Variants in WDR83OS observed in about 807,000 individuals in gnomAD.
The protein encoded by WDR83OS is WD repeat domain 83 opposite strand.
Under a neutral mutation model 13.7 loss-of-function variants are expected in WDR83OS, and 15 were observed. The ratio of observed to expected loss-of-function variants is 1.09; its 90% CI spans 0.73 to 1.69. WDR83OS has a LOEUF of 1.69. Among genes scored for constraint, WDR83OS ranks in the 40% most tolerant of loss-of-function variants. The pLI is 0.00. For missense variants in WDR83OS, 145 were observed against 143.2 expected, an observed-to-expected ratio of 1.01 and a Z score of -0.06; for synonymous variants, 68 against 52.9, an observed-to-expected ratio of 1.29 and a Z score of -1.24.
At chr19:12,668,809 G>T (rs916899427) in intron 2 of WDR83OS, among the ~76,000 whole-genome samples, 192 bp from the exon 3 acceptor site, 4 of 152,050 alleles carry the variant, frequency 2.6e-5, no homozygotes, top group Admixed American at 2.6e-4. Flanking sequence ...CTACTGTCTG[G>T]CCTGCGTCTC....
intron 2 of WDR83OS, 152 bp downstream of exon 2, chr19:12,668,976 C>T: frequency 1.3e-6 from 1 of 785,690 alleles, no homozygotes; most frequent in Non-Finnish European, 2.1e-6. Flanking sequence ...AAGACTGGGG[C>T]TTTCTCGGCC....
Position 12,668,979 on chromosome 19 carries a change from T to C in WDR83OS, c.156+149A>G, listed in dbSNP as rs535503979. The C allele has an allele frequency of 2.6e-5, 21 of 801,576 alleles. No homozygotes were observed. The South Asian group carries it at 3.3e-4, about 12-fold the overall frequency. The allele number at this position is 801,576 out of a possible 1,614,324, so 49.7% of individuals were successfully genotyped here. ...TTGACTTCACCAAAGACTGGGGCTT[T>C]CTCGGCCCAGCGTCATCGCAGCCCC... On this transcript the variant is annotated intron_variant, in intron 2 of 3. Coordinates refer to ENST00000596731, the MANE Select transcript of WDR83OS (RefSeq NM_016145.4).
intron 2 of WDR83OS, 47 bp from the exon 3 acceptor site, chr19:12,668,664 T>C (rs372285106): frequency 7.2e-6 from 11 of 1,525,464 alleles, no homozygotes; most frequent in Middle Eastern, 1.9e-4. Flanking sequence ...GGCACAACAA[T>C]GAGTCCCCGA....
In WDR83OS at chr19:12,668,622, G is replaced by A. The variant is rs776442799; in HGVS notation, c.157-5C>T. The A allele has an allele frequency of 6.2e-7, 1 of 1,613,578 alleles. No homozygotes were observed. Among genetic ancestry groups the A allele is most frequent in the Non-Finnish European group, 8.5e-7 (1 of 1,179,714 alleles). ...GACCCAAGCACACCACTTCAGCTAG[G>A]GAAAGGTAAGTGGGTGGGCAGGTTA... On this transcript the variant is annotated splice_region_variant and splice_polypyrimidine_tract_variant and intron_variant, in intron 2 of 3. Transcript: ENST00000596731.
chr19:12,668,236 G>T lies in WDR83OS; in HGVS notation c.*123C>A. The T allele has an allele frequency of 9.9e-7, 1 of 1,008,864 alleles. No individual in the cohort carries two copies. 62.5% of individuals were successfully genotyped at this position (1,008,864 alleles called of 1,614,324 possible). A position where few individuals can be genotyped will look rare whatever the true frequency, so the allele number is the denominator to read the frequency against. ...GGGCCAGGTTCCCTCTATCCAGCTG[G>T]GGGCACCGAGACGGCCTCATTCAGG... On this transcript the variant is annotated 3_prime_UTR_variant, in exon 4 of 4. Transcript: ENST00000596731.
rs375244334 is a variant in WDR83OS at position 12,668,372 on chromosome 19, G to A, written c.308C>T (p.Thr103Met). ...TCTAGGCTGGTATCACCATGGGGGC[G>A]TCATGGGCTGAGGATTCTGCAGATA... ...MSYLQNPQPMTPPW is the reference protein window; with the variant it reads ...MSYLQNPQPMMPPW The change falls in exon 4 of 4, where the codon ACG becomes ATG. Residue 103 changes from threonine to methionine, a missense_variant. By Grantham distance (81) the Thr-to-Met change is moderately conservative. Transcript: ENST00000596731. 8.1e-6 allele frequency: 13 copies of A among 1,612,650 alleles called. No individual in the cohort carries two copies. Among genetic ancestry groups the A allele is most frequent in the Admixed American group, 1.7e-5 (1 of 59,724 alleles).
At position 12,669,253 on chromosome 19, in the gene WDR83OS, CA is replaced by C. The variant is rs1336490807; in HGVS notation, c.51-21del. ...TTGTACCTGCGACAGGCTCGAGGGTCAGGGGCGCTCAGGTCCTGCCCCCGGG... is the reference window on the plus strand; with the variant it reads ...TTGTACCTGCGACAGGCTCGAGGGTCGGGGCGCTCAGGTCCTGCCCCCGGG... On this transcript the variant is annotated intron_variant, in intron 1 of 3. Transcript: ENST00000596731. 1 of 1,612,978 alleles carries C rather than the reference CA, an allele frequency of 6.2e-7. No individual in the cohort carries two copies. Among genetic ancestry groups the C allele is most frequent in the African/African-American group, 1.3e-5 (1 of 74,896 alleles).
intron 2 of WDR83OS, 104 bp downstream of exon 2, chr19:12,669,024 T>C (rs1049342930): frequency 1.1e-5 from 13 of 1,211,432 alleles, no homozygotes; most frequent in Non-Finnish European, 1.4e-5. Flanking sequence ...CGATCTCAGG[T>C]CCCGCCCCAT....
chr19:12,669,396 G>T lies in WDR83OS; in HGVS notation c.8C>A (p.Thr3Asn). 1 of 1,598,600 alleles carries T rather than the reference G, an allele frequency of 6.3e-7. No homozygotes were observed. Reference protein sequence around the residue: MSTNNMSDPRRPN... With the variant: MSNNNMSDPRRPN... ...CCTCCGTGGGTCCGACATATTGTTA[G>T]TGGACATAGCGAGTCGAAGGCCAGA... Residue 3 changes from threonine to asparagine, a missense_variant, in exon 1 of 4, where the codon ACT becomes AAT. By Grantham distance (65) the Thr-to-Asn change is moderately conservative. Transcript: ENST00000596731.
chr19:12,668,517 CACATGAAG>C lies in WDR83OS; in HGVS notation c.249_254+2del. The C allele has an allele frequency of 6.2e-7, 1 of 1,614,086 alleles. No individual in the cohort carries two copies. On this transcript the variant is annotated splice_donor_variant and coding_sequence_variant, in exon 3 of 4. Coordinates refer to ENST00000596731, the MANE Select transcript of WDR83OS (RefSeq NM_016145.4). LOFTEE classifies it high-confidence loss of function. ...GTCACTTGTTCTGTAGGGCAAGTCT[CACATGAAG>C]CTACTCATCATTTGCTTCGTGTCCT...
In WDR83OS at chr19:12,669,413, A is replaced by G. The variant is rs1420121383; in HGVS notation, c.-10T>C. 2.5e-6 allele frequency: 4 copies of G among 1,591,338 alleles called. No individual in the cohort carries two copies. Among genetic ancestry groups the G allele is most frequent in the Middle Eastern group, 1.7e-4 (1 of 6,050 alleles). On this transcript the variant is annotated 5_prime_UTR_variant, in exon 1 of 4. Transcript: ENST00000596731. ...TATTGTTAGTGGACATAGCGAGTCGAAGGCCAGATCACGCCTCTTCCGCTG... is the reference window on the plus strand; with the variant it reads ...TATTGTTAGTGGACATAGCGAGTCGGAGGCCAGATCACGCCTCTTCCGCTG...
chr19:12,668,628 G>A lies in WDR83OS; in HGVS notation c.157-11C>T, dbSNP rs761604645. The A allele has an allele frequency of 1.2e-6, 2 of 1,612,554 alleles. No homozygotes were observed. The highest frequency in any genetic ancestry group is 1.1e-5 in the South Asian group (1 of 90,970). On this transcript the variant is annotated splice_polypyrimidine_tract_variant and intron_variant, in intron 2 of 3. Transcript: ENST00000596731. ...AGCACACCACTTCAGCTAGGGAAAG[G>A]TAAGTGGGTGGGCAGGTTAGTGAAA...
intron 1 of WDR83OS, 22 bp downstream of exon 1, chr19:12,669,332 C>T (rs1194021431): frequency 6.2e-7 from 1 of 1,605,406 alleles, no homozygotes; most frequent in Non-Finnish European, 8.5e-7. Flanking sequence ...CGAACCCGTG[C>T]CCACGACGCT....
At position 12,668,500 on chromosome 19, in the gene WDR83OS, T is replaced by C. The variant is rs995060161; in HGVS notation, c.254+20A>G. The C allele has an allele frequency of 8.7e-6, 14 of 1,613,700 alleles. No homozygotes were observed. Among genetic ancestry groups the C allele is most frequent in the Non-Finnish European group, 1.2e-5 (14 of 1,179,760 alleles). ...CCACCCCTTACTCAAGAGTCACTTG[T>C]TCTGTAGGGCAAGTCTCACATGAAG... On this transcript the variant is annotated intron_variant, in intron 3 of 3. Coordinates refer to ENST00000596731, the MANE Select transcript of WDR83OS (RefSeq NM_016145.4).
chr19:12,668,617 G>A lies in WDR83OS; in HGVS notation c.157C>T (p.Leu53=). ...ACAGCGACCCAAGCACACCACTTCAGCTAGGGAAAGGTAAGTGGGTGGGCA... is the reference window on the plus strand; with the variant it reads ...ACAGCGACCCAAGCACACCACTTCAACTAGGGAAAGGTAAGTGGGTGGGCA... ...IFSMCGLMLK[L]KWCAWVAVYC... The change falls in exon 3 of 4, where the codon CTG becomes TTG. Residue 53 remains leucine (L), a splice_region_variant and synonymous_variant. Transcript: ENST00000596731. 3 of 1,613,846 alleles carry A rather than the reference G, an allele frequency of 1.9e-6. No homozygotes were observed. The highest frequency in any genetic ancestry group is 2.5e-6 in the Non-Finnish European group (3 of 1,179,882).
Position 12,668,435 on chromosome 19 carries a change from G to C in WDR83OS, c.255-10C>G, listed in dbSNP as rs763862759. The stretch of plus-strand genomic sequence containing the variant: ...GGCAGAGATGGACAGCCTGAGACAG[G>C]AGAGAGGTGTCAGTCTAGGATGGCC... On this transcript the variant is annotated splice_polypyrimidine_tract_variant and intron_variant, in intron 3 of 3. Transcript: ENST00000596731. 24 of 1,613,406 alleles carry C rather than the reference G, an allele frequency of 1.5e-5. No homozygotes were observed. The highest frequency in any genetic ancestry group is 1.4e-5 in the Non-Finnish European group (16 of 1,179,760).
chr19:12,669,261 C>A, intron 1 of WDR83OS, 28 bp from the exon 2 acceptor site: 1 of 1,612,524 alleles, frequency 6.2e-7, no homozygotes, highest in Non-Finnish European at 8.5e-7. Flanking sequence ...GTCAGGGGCG[C>A]TCAGGTCCTG....
In WDR83OS at chr19:12,669,252, T is replaced by C; in HGVS notation, c.51-19A>G. 1 of 1,612,412 alleles carries C rather than the reference T, an allele frequency of 6.2e-7. No individual in the cohort carries two copies. The highest frequency in any genetic ancestry group is 2.2e-5 in the East Asian group (1 of 44,840). On this transcript the variant is annotated intron_variant, in intron 1 of 3. Coordinates refer to ENST00000596731, the MANE Select transcript of WDR83OS (RefSeq NM_016145.4). ...CTTGTACCTGCGACAGGCTCGAGGG[T>C]CAGGGGCGCTCAGGTCCTGCCCCCG...
chr19:12,669,078 G>A (rs373186687), intron 2 of WDR83OS, 50 bp downstream of exon 2: 13 of 1,584,912 alleles, frequency 8.2e-6, no homozygotes, highest in Non-Finnish European at 1.1e-5. Context: ...CCCGCCCCCG[G>A]GCCTCGTTCT....
Sources: gnomAD v4.1 joint callset for allele counts (sites outside exome capture counted in the v4.1 genomes callset) on GRCh38, gnomAD v4.1.1 for gene constraint, MANE v1.5 for transcripts, NCBI Gene and HGNC (gene_info 2026-07-23, HGNC 2026-07-21) for gene names.